Variants in FBXO25 observed in about 807,000 individuals in gnomAD.
The protein encoded by FBXO25 is F-box only protein 25.
Under a neutral mutation model 51.9 loss-of-function variants are expected in FBXO25, and 45 were observed. That is an observed-to-expected ratio of 0.87 (90% CI 0.68 to 1.11). FBXO25 has a LOEUF of 1.11. Among genes scored for constraint, FBXO25 ranks in the 50% most tolerant of loss-of-function variants. The pLI, the probability that FBXO25 is intolerant of heterozygous loss-of-function variation, is 0.00. For synonymous variants in FBXO25, 199 were observed against 151.0 expected (o/e 1.32, Z -2.33); for missense variants, 507 against 428.5 (o/e 1.18, Z -1.62).
rs1798308726 is a variant in FBXO25, at chr8:439,681, C to G, written c.381+3974C>G. ...TGTGTCCCTGGGCATTGCTCTGCCC[C>G]TCCAAGACTCCCCAGTCCTGTTTCC... On this transcript the variant is annotated intron_variant, in intron 5 of 9. Transcript: ENST00000350302. Among the ~76,000 whole-genome samples, 4 of 152,332 alleles carry G rather than the reference C, an allele frequency of 2.6e-5. No homozygotes were observed. The South Asian group carries it at 6.2e-4, about 24-fold the overall frequency.
rs1223778806 is a variant in FBXO25 at position 463,205 on chromosome 8, C to G, written c.987+55C>G. On this transcript the variant is annotated intron_variant, in intron 9 of 9. Transcript: ENST00000350302. ...CAGGATTAAATTTTGGTGAAACAAACTAATCACCTATATTTTAAGTATAAG... is the reference window on the plus strand; with the variant it reads ...CAGGATTAAATTTTGGTGAAACAAAGTAATCACCTATATTTTAAGTATAAG... The G allele has an allele frequency of 1.2e-5, 19 of 1,560,952 alleles. No homozygotes were observed. The South Asian group carries it at 1.9e-4, about 15-fold the overall frequency.
intron 1 of FBXO25, chr8:407,344 C>T (rs1343026157): frequency 2.1e-6 from 2 of 965,802 alleles, no homozygotes; most frequent in African/African-American, 3.8e-5. Context: ...ACGGGATTGC[C>T]GCGTGCGCGT....
rs759460552 is a variant in FBXO25 at position 451,315 on chromosome 8, A to C, written c.522A>C (p.Gln174His). The C allele has an allele frequency of 6.2e-7, 1 of 1,611,644 alleles. No homozygotes were observed. Among genetic ancestry groups the C allele is most frequent in the East Asian group, 2.2e-5 (1 of 44,834 alleles). Residue 174 changes from glutamine to histidine, a missense_variant, in exon 7 of 10, where the codon CAA (glutamine) becomes CAC (histidine). Physicochemically the swap from Gln to His is conservative, Grantham distance 24. Transcript: ENST00000350302. ...HNPRLIKDLL[Q>H]DLSSTLCILI... ...CTCGCTTAATCAAAGATCTTCTGCA[A>C]GACCTAAGCTCTACCCTCTGCATTC...
intron 2 of FBXO25, among the ~76,000 whole-genome samples, chr8:430,803 A>G (rs1403425912): frequency 6.6e-6 from 1 of 152,262 alleles, no homozygotes; most frequent in Non-Finnish European, 1.5e-5. Context: ...ATGTATTTAA[A>G]TAGTAAAAAT....
In FBXO25 at chr8:461,128, C is replaced by T. The variant is rs530367552; in HGVS notation, c.844-1879C>T. ...TGCACTCAAACATACACATTAATTT[C>T]GCTAGCTCTGCACTGGTCATTTTCA... On this transcript the variant is annotated intron_variant, in intron 8 of 9. Coordinates refer to ENST00000350302, the MANE Select transcript of FBXO25 (RefSeq NM_183420.2). 7.2e-5 allele frequency among the ~76,000 whole-genome samples: 11 copies of T among 152,236 alleles called. No homozygotes were observed. In the South Asian group the frequency reaches 8.3e-4, roughly 11 times the overall value.
intron 5 of FBXO25, among the ~76,000 whole-genome samples, chr8:437,850 A>G (rs1266495708): frequency 6.6e-6 from 1 of 151,902 alleles, no homozygotes; most frequent in Non-Finnish European, 1.5e-5. Flanking sequence ...ACAACAACTG[A>G]GAGGATTGTC....
chr8:465,988 C>T lies in FBXO25; in HGVS notation c.988-2727C>T, dbSNP rs191532662. ...GAGAACAAGTCTCTCCTAGGAAGGACAGCTGCCCATCTCTTAGTTCTGGGA... is the reference window on the plus strand; with the variant it reads ...GAGAACAAGTCTCTCCTAGGAAGGATAGCTGCCCATCTCTTAGTTCTGGGA... On this transcript the variant is annotated intron_variant, in intron 9 of 9. Transcript: ENST00000350302. 4.1e-3 allele frequency among the ~76,000 whole-genome samples: 628 copies of T among 152,254 alleles called. 9 individuals are homozygous for T. The highest frequency in any genetic ancestry group is 0.029 in the Admixed American group (446 of 15,294).
intron 2 of FBXO25, among the ~76,000 whole-genome samples, chr8:426,808 C>G (rs867008375): frequency 2.6e-5 from 4 of 151,886 alleles, no homozygotes; most frequent in African/African-American, 7.2e-5. Context: ...GCTGTGGCTC[C>G]ACCTGGCCTT....
intron 2 of FBXO25, among the ~76,000 whole-genome samples, chr8:418,620 G>T (rs964219182): frequency 6.6e-6 from 1 of 152,074 alleles, no homozygotes; most frequent in Admixed American, 6.5e-5. Flanking sequence ...GATTACATGC[G>T]TGAGCCACCG....
chr8:425,143 T>G (rs1358168410), intron 2 of FBXO25, among the ~76,000 whole-genome samples: 2 of 144,930 alleles, frequency 1.4e-5, no homozygotes, highest in Non-Finnish European at 3.0e-5. Context: ...GCCCCCCACA[T>G]GTCCCATTTC....
rs944971109 is a variant in FBXO25, at chr8:477,908, C to G, written c.*9104C>G. 2 of 152,100 alleles carry G rather than the reference C, an allele frequency of 1.3e-5. No homozygotes were observed. Among genetic ancestry groups the G allele is most frequent in the African/African-American group, 4.8e-5 (2 of 41,420 alleles). 9.4% of individuals were successfully genotyped at this position (152,100 alleles called of 1,614,324 possible). A position where few individuals can be genotyped will look rare whatever the true frequency, so the allele number is the denominator to read the frequency against. On this transcript the variant is annotated 3_prime_UTR_variant, in exon 10 of 10. Transcript: ENST00000350302. ...CAATTTTGGCCTGTATTTCACTTGC[C>G]AACCTGATTTATACTTTTGTATCTA... is the stretch of plus-strand genomic sequence containing the variant.
At chr8:418,100 T>C (rs556777069) in intron 2 of FBXO25, among the ~76,000 whole-genome samples, 90 of 152,244 alleles carry the variant, frequency 5.9e-4, no homozygotes, top group African/African-American at 1.9e-3. Flanking sequence ...GGTTTCATCA[T>C]GAGGGAATAA....
intron 4 of FBXO25, 120 bp downstream of exon 4, chr8:433,055 T>A: frequency 8.2e-7 from 1 of 1,225,678 alleles, no homozygotes; most frequent in African/African-American, 1.6e-5. Flanking sequence ...ATATCAGATC[T>A]ATGGTTCACA....
At chr8:464,092 C>G (rs1360017984) in intron 9 of FBXO25, among the ~76,000 whole-genome samples, 2 of 152,180 alleles carry the variant, frequency 1.3e-5, no homozygotes, top group Non-Finnish European at 2.9e-5. Flanking sequence ...CCTCAGCCTC[C>G]TGAGTAGCTG....
chr8:418,147 A>C (rs1481688087), intron 2 of FBXO25, among the ~76,000 whole-genome samples: 4 of 152,004 alleles, frequency 2.6e-5, no homozygotes, highest in Admixed American at 1.3e-4. Context: ...TGTAGGCTGC[A>C]TGTGTGTCTT....
intron 2 of FBXO25, among the ~76,000 whole-genome samples, chr8:419,065 AAGTC>A (rs1394882757): frequency 2.0e-5 from 3 of 152,218 alleles, no homozygotes; most frequent in African/African-American, 4.8e-5. Context: ...CATCATTAGA[AAGTC>A]AGAGCAACGG....
At chr8:435,537 A>T in intron 4 of FBXO25, 78 bp from the exon 5 acceptor site, 4 of 1,462,070 alleles carry the variant, frequency 2.7e-6, no homozygotes. Context: ...AATTTTTTTA[A>T]TCGCACAATT....
intron 2 of FBXO25, among the ~76,000 whole-genome samples, chr8:421,043 G>A (rs575013462): frequency 3.3e-4 from 51 of 152,338 alleles, no homozygotes; most frequent in African/African-American, 1.1e-3. Context: ...GTACCAGTCC[G>A]TAGCCTGTTA....
intron 1 of FBXO25, chr8:407,470 G>C (rs1040879869): frequency 5.3e-5 from 52 of 980,490 alleles, no homozygotes; most frequent in Non-Finnish European, 5.8e-5. Context: ...AGCTGCGGGC[G>C]AGTCGGGTGG....
Sources: gnomAD v4.1 joint callset for allele counts (sites outside exome capture counted in the v4.1 genomes callset) on GRCh38, gnomAD v4.1.1 for gene constraint, MANE v1.5 for transcripts, NCBI Gene and HGNC (gene_info 2026-07-23, HGNC 2026-07-21) for gene names.